The following DPP6 variants were observed in gnomAD, a reference collection of about 807,000 sequenced individuals.
The protein encoded by DPP6 is A-type potassium channel modulatory protein DPP6.
DPP6 carries 69 observed loss-of-function variants against 122.6 expected under a neutral mutation model. The ratio of observed to expected loss-of-function variants is 0.56; its 90% CI spans 0.46 to 0.69. The LOEUF is 0.69. Among genes scored for constraint, DPP6 ranks in the 30% least tolerant of loss-of-function variants. The pLI is 0.00. For synonymous variants in DPP6, 418 were observed against 433.1 expected (o/e 0.97, Z 0.43); for missense variants, 928 against 1,116.9 (o/e 0.83, Z 2.41).
At chr7:154,538,064 T>C (rs1341580135) in intron 3 of DPP6, among the ~76,000 whole-genome samples, 2 of 151,972 alleles carry the variant, frequency 1.3e-5, no homozygotes, top group African/African-American at 2.4e-5. Context: ...AACAACATAG[T>C]ATTTAAAGAT....
chr7:153,887,604 A>G (rs1798987188), exon 1 of DPP6: 2 of 1,542,034 alleles, frequency 1.3e-6, no homozygotes, highest in African/African-American at 1.4e-5. Flanking sequence ...CAGCCAGTCC[A>G]GTCTACTTTA....
At chr7:154,850,133 C>T (rs1454967936) in intron 16 of DPP6, among the ~76,000 whole-genome samples, 3 of 151,956 alleles carry the variant, frequency 2.0e-5, no homozygotes, top group African/African-American at 2.4e-5. Context: ...TTTGGTGCAC[C>T]CATCACCCAA....
chr7:154,771,290 G>A (rs920452275), intron 9 of DPP6, among the ~76,000 whole-genome samples: 17 of 152,228 alleles, frequency 1.1e-4, no homozygotes, highest in Non-Finnish European at 1.8e-4. Context: ...TAAACAGCAG[G>A]AATTTCTTTC....
At chr7:154,150,714 C>A (rs1424519911) in intron 1 of DPP6, among the ~76,000 whole-genome samples, 1 of 152,256 alleles carries the variant, frequency 6.6e-6, no homozygotes, top group Non-Finnish European at 1.5e-5. Context: ...AGTCCTGATT[C>A]CTGGAGCGCT....
At chr7:154,607,561 CAAAAAAAAAAAAAAAA>C (rs1162220684) in intron 5 of DPP6, among the ~76,000 whole-genome samples, 1 of 22,378 alleles carries the variant, frequency 4.5e-5, no homozygotes, top group East Asian at 2.9e-3. Flanking sequence ...GACTCTGTCT[CAAAAAAAAAAAAAAAA>C]AAAAAAAAAA....
intron 7 of DPP6, among the ~76,000 whole-genome samples, chr7:154,680,476 T>C (rs1385981712): frequency 6.6e-6 from 1 of 152,166 alleles, no homozygotes; most frequent in Admixed American, 6.5e-5. Flanking sequence ...TATATAACCA[T>C]TTAAGATTAT....
intron 1 of DPP6, among the ~76,000 whole-genome samples, chr7:154,433,886 T>G (rs572865525): frequency 8.4e-4 from 128 of 152,338 alleles, no homozygotes; most frequent in African/African-American, 3.0e-3. Context: ...ACACGTTCTT[T>G]TCCTCTGTTA....
At chr7:154,283,382 A>T (rs1459816212) in intron 1 of DPP6, among the ~76,000 whole-genome samples, 1 of 152,186 alleles carries the variant, frequency 6.6e-6, no homozygotes, top group Non-Finnish European at 1.5e-5. Context: ...TATTTTAAAA[A>T]TAGTTAATAT....
chr7:154,450,915 A>G (rs1057021565), intron 2 of DPP6, among the ~76,000 whole-genome samples: 26 of 152,218 alleles, frequency 1.7e-4, no homozygotes, highest in African/African-American at 5.8e-4. Context: ...TTGTGTAAGA[A>G]CATGATTACT....
At chr7:153,886,507 C>G (rs1174069662), upstream of DPP6, among the ~76,000 whole-genome samples, 2 of 152,092 alleles carry the variant, frequency 1.3e-5, no homozygotes, top group Admixed American at 6.5e-5. Flanking sequence ...CAGCCAAGAG[C>G]GAGCCAAAGA....
At chr7:154,269,401 C>T (rs150682883) in intron 1 of DPP6, among the ~76,000 whole-genome samples, 149 of 152,260 alleles carry the variant, frequency 9.8e-4, no homozygotes, top group African/African-American at 3.4e-3. Context: ...TAGCCTAGTG[C>T]GATGTCAGGT....
intron 3 of DPP6, among the ~76,000 whole-genome samples, chr7:154,492,241 T>C (rs907828715): frequency 3.9e-5 from 6 of 152,178 alleles, no homozygotes; most frequent in African/African-American, 1.4e-4. Context: ...ACACCTTGTA[T>C]AGCACCCAGG....
At chr7:153,908,709 ATTT>A (rs1185781555) in intron 1 of DPP6, among the ~76,000 whole-genome samples, 3 of 152,280 alleles carry the variant, frequency 2.0e-5, no homozygotes, top group Non-Finnish European at 4.4e-5. Context: ...AACTCATTTA[ATTT>A]TTTGTGAATG....
chr7:154,080,216 C>T (rs1384038272), intron 1 of DPP6, among the ~76,000 whole-genome samples: 1 of 152,112 alleles, frequency 6.6e-6, no homozygotes, highest in Non-Finnish European at 1.5e-5. Flanking sequence ...CATTTACTGC[C>T]AGTGCATCCC....
chr7:154,644,999 C>T (rs1836357413), intron 6 of DPP6, among the ~76,000 whole-genome samples: 1 of 151,664 alleles, frequency 6.6e-6, no homozygotes, highest in Admixed American at 6.6e-5. Context: ...GTGTCTGTAC[C>T]ATGGCATTGA....
intron 7 of DPP6, among the ~76,000 whole-genome samples, chr7:154,724,134 G>A (rs1374252901): frequency 6.6e-6 from 1 of 152,132 alleles, no homozygotes; most frequent in Non-Finnish European, 1.5e-5. Context: ...CTGACTTTGG[G>A]TTGGTCTGGT....
chr7:154,508,931 T>G (rs1377112935), intron 3 of DPP6, among the ~76,000 whole-genome samples: 1 of 152,200 alleles, frequency 6.6e-6, no homozygotes, highest in Non-Finnish European at 1.5e-5. Flanking sequence ...GACAGCCATG[T>G]GCAAAATAAT....
intron 8 of DPP6, among the ~76,000 whole-genome samples, chr7:154,729,237 C>A (rs907704867): frequency 2.0e-5 from 3 of 152,140 alleles, no homozygotes; most frequent in African/African-American, 4.8e-5. Flanking sequence ...ACCGTGTGGT[C>A]ACAGCAATAA....
the DPP6 span, among the ~76,000 whole-genome samples, chr7:153,772,821 CTT>C: frequency 6.8e-6 from 1 of 147,228 alleles, no homozygotes; most frequent in Non-Finnish European, 1.5e-5. Flanking sequence ...ATATACAAGA[CTT>C]TTGCCTCTGA....
Sources: gnomAD v4.1 joint callset for allele counts (sites outside exome capture counted in the v4.1 genomes callset) on GRCh38, gnomAD v4.1.1 for gene constraint, MANE v1.5 for transcripts, NCBI Gene and HGNC (gene_info 2026-07-23, HGNC 2026-07-21) for gene names.